TRDN: variants seen among roughly 807,000 people sequenced by gnomAD.
TRDN encodes triadin in skeletal muscle.
In TRDN, 161 loss-of-function variants were observed where a neutral mutation model predicts 149.7. The observed-to-expected ratio is 1.08, with a 90% CI of 0.95 to 1.23. The LOEUF is 1.23. Among genes scored for constraint, TRDN ranks in the 50% most tolerant of loss-of-function variants. The pLI is 0.00. For synonymous variants in TRDN, 294 were observed against 250.5 expected (o/e 1.17, Z -1.64); for missense variants, 896 against 823.5 (o/e 1.09, Z -1.08).
intron 4 of TRDN, among the ~76,000 whole-genome samples, chr6:123,534,193 C>T (rs1780405456): frequency 6.6e-6 from 1 of 152,084 alleles, no homozygotes; most frequent in Admixed American, 6.6e-5. Context: ...TTTACAGGTA[C>T]ATTATCAACT....
At chr6:123,450,685 T>C (rs879580042) in intron 10 of TRDN, among the ~76,000 whole-genome samples, 1 of 152,050 alleles carries the variant, frequency 6.6e-6, no homozygotes, top group Non-Finnish European at 1.5e-5. Context: ...AGCACTAAAC[T>C]GATCATCAAG....
intron 9 of TRDN, among the ~76,000 whole-genome samples, chr6:123,495,163 C>T (rs1453202981): frequency 6.6e-6 from 1 of 152,104 alleles, no homozygotes; most frequent in African/African-American, 2.4e-5. Context: ...AAGCAGTCCT[C>T]CCACCTCACC....
chr6:123,565,216 C>A (rs1782218408), intron 2 of TRDN, among the ~76,000 whole-genome samples: 1 of 152,108 alleles, frequency 6.6e-6, no homozygotes, highest in East Asian at 1.9e-4. Flanking sequence ...AGAGGGAGGT[C>A]TTTCTGGCTG....
At chr6:123,227,976 G>GA (rs1775450505) in intron 38 of TRDN, among the ~76,000 whole-genome samples, 1 of 150,880 alleles carries the variant, frequency 6.6e-6, no homozygotes, top group Admixed American at 6.6e-5. Context: ...AAAGAGTGTT[G>GA]AAATTTATCC....
chr6:123,234,573 C>A (rs1775719347), intron 38 of TRDN, among the ~76,000 whole-genome samples: 1 of 151,990 alleles, frequency 6.6e-6, no homozygotes, highest in African/African-American at 2.4e-5. Flanking sequence ...CGTAAGATAT[C>A]TTGTTTTTTA....
chr6:123,453,977 G>T (rs1363384894), intron 10 of TRDN, among the ~76,000 whole-genome samples: 2 of 152,010 alleles, frequency 1.3e-5, no homozygotes, highest in East Asian at 1.9e-4. Flanking sequence ...AACAGCATTT[G>T]CAGTGACCTG....
At chr6:123,400,302 C>T (rs1451132283) in intron 12 of TRDN, among the ~76,000 whole-genome samples, 1 of 151,444 alleles carries the variant, frequency 6.6e-6, no homozygotes. Context: ...GTTGACAGGG[C>T]CTCTAATTTT....
chr6:123,306,902 A>AG (rs1778631860), intron 24 of TRDN, among the ~76,000 whole-genome samples: 2 of 151,990 alleles, frequency 1.3e-5, no homozygotes, highest in South Asian at 4.2e-4. Flanking sequence ...AAAGAAAAAA[A>AG]AAGAAATTTA....
At chr6:123,568,049 A>G (rs1782380215) in intron 2 of TRDN, among the ~76,000 whole-genome samples, 1 of 152,248 alleles carries the variant, frequency 6.6e-6, no homozygotes, top group Non-Finnish European at 1.5e-5. Context: ...ATGAGGGTAT[A>G]GGCATTGGGT....
intron 1 of TRDN, among the ~76,000 whole-genome samples, chr6:123,624,261 G>A (rs531897308): frequency 1.3e-5 from 2 of 152,168 alleles, no homozygotes; most frequent in South Asian, 4.1e-4. Context: ...TGGGTATTGA[G>A]AGCTCACGTC....
chr6:123,636,819 G>A lies in TRDN; in HGVS notation c.-44C>T. 2 of 1,610,708 alleles carry A rather than the reference G, an allele frequency of 1.2e-6. No individual in the cohort carries two copies. The highest frequency in any genetic ancestry group is 1.7e-6 in the Non-Finnish European group (2 of 1,177,770). ...AAGTCAGTTGAAAAGTTCCCGTCAA[G>A]TTGCACTTTGCAGAGTATTTGGGGA... On this transcript the variant is annotated 5_prime_UTR_variant, in exon 1 of 41. Transcript: ENST00000334268.
At chr6:123,503,646 T>A in intron 8 of TRDN, 73 bp downstream of exon 8, 1 of 1,590,566 alleles carries the variant, frequency 6.3e-7, no homozygotes, top group Non-Finnish European at 8.6e-7. Flanking sequence ...TTTCAACTTT[T>A]AATTTCACTG....
intron 1 of TRDN, among the ~76,000 whole-genome samples, chr6:123,627,123 T>C (rs1172067620): frequency 6.6e-6 from 1 of 151,812 alleles, no homozygotes; most frequent in Non-Finnish European, 1.5e-5. Flanking sequence ...ACAGGCAGGG[T>C]TTCACCACAT....
At chr6:123,533,625 C>T (rs1001022697) in intron 4 of TRDN, among the ~76,000 whole-genome samples, 4 of 151,924 alleles carry the variant, frequency 2.6e-5, no homozygotes, top group African/African-American at 9.7e-5. Context: ...TCAGACATAT[C>T]CTGACAAAGG....
chr6:123,435,730 T>G (rs1323280948), intron 12 of TRDN, among the ~76,000 whole-genome samples: 1 of 152,118 alleles, frequency 6.6e-6, no homozygotes, highest in African/African-American at 2.4e-5. Context: ...AAGACAACAC[T>G]AGCTGAATAG....
intron 33 of TRDN, among the ~76,000 whole-genome samples, chr6:123,264,351 G>A (rs1473146778): frequency 3.3e-5 from 5 of 152,058 alleles, no homozygotes; most frequent in African/African-American, 1.2e-4. Context: ...GGATTCAGTA[G>A]AAGAAGTAAC....
At chr6:123,229,947 A>G (rs1775534998) in intron 38 of TRDN, among the ~76,000 whole-genome samples, 1 of 151,948 alleles carries the variant, frequency 6.6e-6, no homozygotes, top group Non-Finnish European at 1.5e-5. Flanking sequence ...TATTCTCTAG[A>G]GCGGTGGCTT....
At chr6:123,398,241 G>A (rs535941464) in intron 12 of TRDN, among the ~76,000 whole-genome samples, 2 of 152,230 alleles carry the variant, frequency 1.3e-5, no homozygotes, top group Admixed American at 6.5e-5. Flanking sequence ...TGCTGACCTC[G>A]TGATTCACCT....
intron 21 of TRDN, among the ~76,000 whole-genome samples, chr6:123,342,655 G>C (rs1780107052): frequency 1.3e-5 from 2 of 151,824 alleles, no homozygotes. Context: ...ACTTGCCCAA[G>C]GTTACAGCTA....
Sources: allele counts gnomAD v4.1 joint callset (sites outside exome capture counted in the v4.1 genomes callset), GRCh38; gene constraint gnomAD v4.1.1; transcripts MANE v1.5; gene names NCBI Gene and HGNC (gene_info 2026-07-23, HGNC 2026-07-21).